Variants in SYT1 observed in about 807,000 individuals in gnomAD.
The protein encoded by SYT1 is synaptotagmin 1, also known as synaptotagmin-1.
SYT1 carries 8 observed loss-of-function variants against 44.8 expected under a neutral mutation model. That is an observed-to-expected ratio of 0.18 (90% CI 0.10 to 0.32). The LOEUF (loss-of-function observed/expected upper bound fraction) is 0.32, where lower values mean the gene tolerates loss of function less well. Among genes scored for constraint, SYT1 ranks in the 10% least tolerant of loss-of-function variants. The pLI, the probability that SYT1 is intolerant of heterozygous loss-of-function variation, is 1.00. For missense variants in SYT1, 286 were observed against 509.3 expected (o/e 0.56, Z 4.22); for synonymous variants, 154 against 188.8 (o/e 0.82, Z 1.51).
At chr12:79,182,460 G>A (rs1872596583) in intron 3 of SYT1, among the ~76,000 whole-genome samples, 1 of 152,016 alleles carries the variant, frequency 6.6e-6, no homozygotes, top group South Asian at 2.1e-4. Flanking sequence ...TGAACAACAA[G>A]TTGAGGACCA....
At chr12:79,041,209 T>A (rs1269715122) in intron 2 of SYT1, among the ~76,000 whole-genome samples, 1 of 152,076 alleles carries the variant, frequency 6.6e-6, no homozygotes, top group African/African-American at 2.4e-5. Context: ...GTAAATTACC[T>A]TGGGCAGTAT....
At chr12:79,057,567 A>T (rs377685577) in intron 3 of SYT1, among the ~76,000 whole-genome samples, 1 of 151,696 alleles carries the variant, frequency 6.6e-6, no homozygotes, top group African/African-American at 2.4e-5. Context: ...GAAGTAATAT[A>T]TTTTTTTTAG....
intron 4 of SYT1, among the ~76,000 whole-genome samples, chr12:79,234,997 C>G (rs1026910046): frequency 1.3e-5 from 2 of 152,132 alleles, no homozygotes; most frequent in Non-Finnish European, 2.9e-5. Flanking sequence ...GCGTGAGCCA[C>G]TGCGCCCAGC....
chr12:79,307,777 G>A (rs968028499), intron 8 of SYT1, among the ~76,000 whole-genome samples: 4 of 152,212 alleles, frequency 2.6e-5, no homozygotes, highest in African/African-American at 9.7e-5. Context: ...CGGCATGTAT[G>A]ACTTGCATGA....
intron 4 of SYT1, among the ~76,000 whole-genome samples, chr12:79,224,632 A>G (rs1327975499): frequency 6.6e-6 from 1 of 152,078 alleles, no homozygotes; most frequent in Non-Finnish European, 1.5e-5. Context: ...GGGCCTTGTC[A>G]ATTGTTCTAA....
At chr12:79,146,004 G>C (rs948827753) in intron 3 of SYT1, among the ~76,000 whole-genome samples, 1 of 152,000 alleles carries the variant, frequency 6.6e-6, no homozygotes, top group Admixed American at 6.6e-5. Context: ...TGATCCGCCC[G>C]CCTCGGCCTC....
intron 3 of SYT1, among the ~76,000 whole-genome samples, chr12:79,069,114 G>GTAAA (rs1210513574): frequency 3.9e-5 from 6 of 152,106 alleles, no homozygotes; most frequent in African/African-American, 1.4e-4. Context: ...AGTTTTATGG[G>GTAAA]TAAATTGTTG....
At chr12:78,979,135 C>T (rs1869061310) in intron 2 of SYT1, among the ~76,000 whole-genome samples, 1 of 152,040 alleles carries the variant, frequency 6.6e-6, no homozygotes, top group South Asian at 2.1e-4. Context: ...AATGCATATA[C>T]CCAGTATTGA....
intron 2 of SYT1, among the ~76,000 whole-genome samples, chr12:79,028,686 T>C (rs1189794055): frequency 6.6e-6 from 1 of 151,410 alleles, no homozygotes; most frequent in Non-Finnish European, 1.5e-5. Context: ...ATAGTTAATA[T>C]AGTCTTACTT....
At chr12:78,895,860 T>C (rs1371748960) in intron 1 of SYT1, among the ~76,000 whole-genome samples, 3 of 151,968 alleles carry the variant, frequency 2.0e-5, no homozygotes, top group Non-Finnish European at 4.4e-5. Context: ...CACTGTATTA[T>C]GCTGGGGGCC....
At chr12:79,225,267 GCTT>G (rs1875451108) in intron 4 of SYT1, among the ~76,000 whole-genome samples, 1 of 152,146 alleles carries the variant, frequency 6.6e-6, no homozygotes, top group South Asian at 2.1e-4. Context: ...CAAGGAATCA[GCTT>G]CTTATTCCTC....
At chr12:79,194,093 C>G (rs1686051932) in intron 3 of SYT1, among the ~76,000 whole-genome samples, 1 of 151,966 alleles carries the variant, frequency 6.6e-6, no homozygotes, top group South Asian at 2.1e-4. Flanking sequence ...GAGTGAGCCT[C>G]TGAGGAAAAA....
Position 79,217,434 on chromosome 12 carries a change from G to A in SYT1, c.-17-69G>A, listed in dbSNP as rs559881558. On this transcript the variant is annotated intron_variant, in intron 3 of 10. Transcript: ENST00000261205. The stretch of plus-strand genomic sequence containing the variant: ...CACCTCTGATGTTGTTTCATCTCTG[G>A]GATACCTTTGATGTGGGAGCAGTTA... 1.0e-5 allele frequency: 14 copies of A among 1,350,848 alleles called. No individual in the cohort carries two copies. The African/African-American group carries it at 1.8e-4, about 17-fold the overall frequency. The allele number at this position is 1,350,848 out of a possible 1,614,324, so 83.7% of individuals were successfully genotyped here.
At chr12:79,386,315 T>C (rs1884432372) in intron 9 of SYT1, among the ~76,000 whole-genome samples, 1 of 152,108 alleles carries the variant, frequency 6.6e-6, no homozygotes, top group Admixed American at 6.5e-5. Context: ...TTTGGGTTTT[T>C]TTTTTTCCTT....
At chr12:79,195,910 A>C (rs1873424394) in intron 3 of SYT1, among the ~76,000 whole-genome samples, 1 of 152,232 alleles carries the variant, frequency 6.6e-6, no homozygotes, top group Non-Finnish European at 1.5e-5. Context: ...TTTCTTACTG[A>C]GAACTGTCTC....
At chr12:79,246,595 C>T (rs1876864263) in intron 4 of SYT1, among the ~76,000 whole-genome samples, 5 of 152,208 alleles carry the variant, frequency 3.3e-5, no homozygotes, top group Admixed American at 3.3e-4. Context: ...ACACTGTCTC[C>T]TCACACGGTG....
At chr12:79,104,851 C>G (rs952077313) in intron 3 of SYT1, among the ~76,000 whole-genome samples, 2 of 151,988 alleles carry the variant, frequency 1.3e-5, no homozygotes, top group African/African-American at 4.8e-5. Context: ...TTTCTGGAAA[C>G]ACAGTATCTG....
At chr12:78,918,068 C>A (rs1194359266) in intron 1 of SYT1, among the ~76,000 whole-genome samples, 1 of 151,882 alleles carries the variant, frequency 6.6e-6, no homozygotes, top group African/African-American at 2.4e-5. Context: ...AAAAATAATG[C>A]CAGGATTTTT....
chr12:79,198,267 G>A (rs1408233889), intron 3 of SYT1, among the ~76,000 whole-genome samples: 1 of 152,032 alleles, frequency 6.6e-6, no homozygotes, highest in Admixed American at 6.6e-5. Context: ...AGGACCAGGG[G>A]AAAAATTCAT....
Sources: allele counts gnomAD v4.1 joint callset (sites outside exome capture counted in the v4.1 genomes callset), GRCh38; gene constraint gnomAD v4.1.1; transcripts MANE v1.5; gene names NCBI Gene and HGNC (gene_info 2026-07-23, HGNC 2026-07-21).